The following COL7A1 variants were observed in gnomAD, a reference collection of about 807,000 sequenced individuals.
COL7A1 encodes the protein collagen type VII alpha 1 chain.
Under a neutral mutation model 456.2 loss-of-function variants are expected in COL7A1, and 296 were observed. The ratio of observed to expected loss-of-function variants is 0.65; its 90% CI spans 0.59 to 0.71. The LOEUF (loss-of-function observed/expected upper bound fraction) is 0.71. COL7A1 is among the 30% of genes least tolerant of loss of function. COL7A1 has a pLI of 0.00. For missense variants in COL7A1, 3,441 were observed against 4,017.2 expected, an observed-to-expected ratio of 0.86 and a Z score of 3.88; for synonymous variants, 1,464 against 1,525.9, an observed-to-expected ratio of 0.96 and a Z score of 0.95.
At position 48,567,605 on chromosome 3, in the gene COL7A1, G is replaced by A; in HGVS notation, c.8015C>T (p.Ala2672Val). ...ACCGATCAGGCCCTCCTTGCCAGGG[G>A]CCCCCGACTGGCCCGGCACACCAGG... Reference protein sequence around the residue: ...GEPGVPGQSGAPGKEGLIGPK... With the variant: ...GEPGVPGQSGVPGKEGLIGPK... Residue 2672 changes from alanine (A) to valine (V), a missense_variant, in exon 109 of 119, where the codon GCC becomes GTC. Ala to Val is a moderately conservative substitution (Grantham distance 64). Coordinates refer to ENST00000681320, the MANE Select transcript of COL7A1 (RefSeq NM_000094.4). The surrounding 1 kb of genome is among the most constrained non-coding windows in gnomAD (Gnocchi z 4.3). 2 of 1,614,072 alleles carry A rather than the reference G, an allele frequency of 1.2e-6. No homozygotes were observed. The highest frequency in any genetic ancestry group is 1.1e-5 in the South Asian group (1 of 91,084).
chr3:48,584,724 C>A lies in COL7A1; in HGVS notation c.4047+10G>T, dbSNP rs201581816. The A allele has an allele frequency of 9.4e-5, 151 of 1,613,908 alleles. No individual in the cohort carries two copies. The highest frequency in any genetic ancestry group is 1.2e-4 in the Non-Finnish European group (144 of 1,180,036). On this transcript the variant is annotated intron_variant, in intron 35 of 118. Transcript: ENST00000681320. Reference sequence around the variant, plus strand: ...GACATCCCGGCCGCCTCCCTTCCCCCTTCACCTACCGGCTCCCCCTTTGGG... The same window carrying A: ...GACATCCCGGCCGCCTCCCTTCCCCATTCACCTACCGGCTCCCCCTTTGGG...
Position 48,569,214 on chromosome 3 carries a change from C to CGG in COL7A1, c.7686+160_7686+161insCC, listed in dbSNP as rs1301582930. Among the ~76,000 whole-genome samples the CGG allele has an allele frequency of 2.6e-5, 4 of 152,050 alleles. No individual in the cohort carries two copies. Among genetic ancestry groups the CGG allele is most frequent in the Non-Finnish European group, 4.4e-5 (3 of 67,988 alleles). ...CTCACACCAAGGCCTTGAGCCCTCC[C>CGG]TAGAGCCCCTCCTCTCGGCCACTCC... is the stretch of plus-strand genomic sequence containing the variant. On this transcript the variant is annotated intron_variant, in intron 103 of 118. Transcript: ENST00000681320. The surrounding 1 kb of genome is among the most constrained non-coding windows in gnomAD (Gnocchi z 4.9).
intron 47 of COL7A1, 151 bp downstream of exon 47, chr3:48,582,172 T>C: frequency 6.9e-7 from 1 of 1,453,332 alleles, no homozygotes; most frequent in Non-Finnish European, 9.6e-7. Context: ...GCCAAGAGTC[T>C]GGGGGCAGGT....
In COL7A1 at chr3:48,587,745, G is replaced by C; in HGVS notation, c.2857+48C>G. 1 of 1,613,196 alleles carries C rather than the reference G, an allele frequency of 6.2e-7. No individual in the cohort carries two copies. ...TCAGAGTCGGGGTGCAGGAAGTCAGGGTGGGTCATCAGCAGGGGAGGAGCA... is the reference window on the plus strand; with the variant it reads ...TCAGAGTCGGGGTGCAGGAAGTCAGCGTGGGTCATCAGCAGGGGAGGAGCA... On this transcript the variant is annotated intron_variant, in intron 22 of 118. Coordinates refer to ENST00000681320, the MANE Select transcript of COL7A1 (RefSeq NM_000094.4). This position sits in a 1 kb window ranked among gnomAD's most constrained non-coding sequence, Gnocchi z 6.1.
Position 48,587,103 on chromosome 3 carries a change from G to T in COL7A1, c.3145C>A (p.Pro1049Thr), listed in dbSNP as rs775631094. 2.5e-6 allele frequency: 4 copies of T among 1,613,040 alleles called. No homozygotes were observed. The Admixed American group carries it at 6.7e-5, about 27-fold the overall frequency. The change falls in exon 25 of 119, where the codon CCC becomes ACC. Residue 1049 changes from proline to threonine, a missense_variant. Coordinates refer to ENST00000681320, the MANE Select transcript of COL7A1 (RefSeq NM_000094.4). The surrounding 1 kb of genome is among the most constrained non-coding windows in gnomAD (Gnocchi z 6.1). ...EASVTQTPVCPRGLADVVFLP... is the reference protein window; with the variant it reads ...EASVTQTPVCTRGLADVVFLP... ...AACACCACATCCGCCAGGCCACGGG[G>T]GCACACTGTAGGAAGGGGAACAAGT... is the stretch of plus-strand genomic sequence containing the variant.
rs121912852 is a variant in COL7A1, at chr3:48,570,304, G to A, written c.7411C>T (p.Arg2471Ter). Residue 2471 changes from arginine (R) to a stop codon, truncating the protein, a stop_gained, in exon 98 of 119, where the codon CGA (arginine) becomes TGA (stop). Coordinates refer to ENST00000681320, the MANE Select transcript of COL7A1 (RefSeq NM_000094.4). LOFTEE classifies it high-confidence loss of function. The surrounding 1 kb of genome is among the most constrained non-coding windows in gnomAD (Gnocchi z 5.5). ...GDPGVGLPGP[R>*]GERGEPGIRG... ...ATGCCTGGCTCCCCACGCTCGCCTC[G>A]GGGCCCAGGCAGCCCTACTCCAGGG... The A allele has an allele frequency of 1.9e-6, 3 of 1,614,046 alleles. No individual in the cohort carries two copies. The highest frequency in any genetic ancestry group is 2.2e-5 in the South Asian group (2 of 91,076).
chr3:48,564,896 T>A lies in COL7A1; in HGVS notation c.8705A>T (p.Glu2902Val). The A allele has an allele frequency of 6.2e-7, 1 of 1,614,126 alleles. No individual in the cohort carries two copies. The highest frequency in any genetic ancestry group is 8.5e-7 in the Non-Finnish European group (1 of 1,179,970). Residue 2902 changes from glutamate to valine, a missense_variant, in exon 118 of 119, where the codon GAG (glutamate) becomes GTG (valine). By Grantham distance (121) the Glu-to-Val change is moderately radical. Coordinates refer to ENST00000681320, the MANE Select transcript of COL7A1 (RefSeq NM_000094.4). The surrounding 1 kb of genome is among the most constrained non-coding windows in gnomAD (Gnocchi z 6.0). The part of the protein sequence containing the change: ...WYHRAVTGST[E>V]ACHPFVYGGC... ...ACCATAGACAAAAGGGTGACAGGCC[T>A]CTGTGCTGCCTGTCACAGCCCGATG...
At position 48,567,385 on chromosome 3, in the gene COL7A1, C is replaced by A; in HGVS notation, c.8046+189G>T. 1 of 953,398 alleles carries A rather than the reference C, an allele frequency of 1.0e-6. No homozygotes were observed. The highest frequency in any genetic ancestry group is 2.0e-5 in the Admixed American group (1 of 50,332). The allele number at this position is 953,398 out of a possible 1,614,324, so 59.1% of individuals were successfully genotyped here. On this transcript the variant is annotated intron_variant, in intron 109 of 118. Coordinates refer to ENST00000681320, the MANE Select transcript of COL7A1 (RefSeq NM_000094.4). The surrounding 1 kb of genome is among the most constrained non-coding windows in gnomAD (Gnocchi z 4.3). ...GCCCTGATGCACATGCCCCCTCCAC[C>A]TCCCATGCTTTCATCCTAACTCCAC... is the stretch of plus-strand genomic sequence containing the variant.
In COL7A1 at chr3:48,590,322, A is replaced by C. The variant is rs762193389; in HGVS notation, c.1941T>G (p.Ser647=). 1 of 1,614,094 alleles carries C rather than the reference A, an allele frequency of 6.2e-7. No individual in the cohort carries two copies. The highest frequency in any genetic ancestry group is 1.1e-5 in the South Asian group (1 of 91,088). The change falls in exon 16 of 119, where the codon TCT becomes TCG. Residue 647 remains serine (S), a synonymous_variant. Coordinates refer to ENST00000681320, the MANE Select transcript of COL7A1 (RefSeq NM_000094.4). The surrounding 1 kb of genome is among the most constrained non-coding windows in gnomAD (Gnocchi z 4.6). ...PESSQTLPPD[S]TATDITGLQP... is the part of the protein sequence containing the mutation. Reference sequence around the variant, plus strand: ...GCAGCCCTGTGATGTCTGTGGCAGTAGAGTCTGGGGGCAGTGTCTGGCTGG... The same window carrying C: ...GCAGCCCTGTGATGTCTGTGGCAGTCGAGTCTGGGGGCAGTGTCTGGCTGG...
Position 48,574,579 on chromosome 3 carries a change from C to G in COL7A1, c.6394-29G>C, listed in dbSNP as rs2044162494. The G allele has an allele frequency of 6.2e-7, 1 of 1,613,882 alleles. No homozygotes were observed. ...AAGGCAGAGTGTCGTGCCCTGAGCC[C>G]CCAGTCCCTGCCACGTGCCCAGGTG... On this transcript the variant is annotated intron_variant, in intron 78 of 118. Transcript: ENST00000681320. This position sits in a 1 kb window ranked among gnomAD's most constrained non-coding sequence, Gnocchi z 5.0.
Position 48,592,828 on chromosome 3 carries a change from G to T in COL7A1, c.793C>A (p.Gln265Lys). Residue 265 changes from glutamine to lysine, a missense_variant, in exon 7 of 119, where the codon CAG becomes AAG. Gln to Lys is a moderately conservative substitution (Grantham distance 53, BLOSUM62 1). Coordinates refer to ENST00000681320, the MANE Select transcript of COL7A1 (RefSeq NM_000094.4). The surrounding 1 kb of genome is among the most constrained non-coding windows in gnomAD (Gnocchi z 7.6). ...CCCAGCCCCGTCAGAGGAGTGTACT[G>T]GACCTTGTAGCCAGTCACAGGGCCA... ...ASGPVTGYKVQYTPLTGLGQP... is the reference protein window; with the variant it reads ...ASGPVTGYKVKYTPLTGLGQP... The T allele has an allele frequency of 1.2e-6, 2 of 1,613,848 alleles. No individual in the cohort carries two copies. Among genetic ancestry groups the T allele is most frequent in the Non-Finnish European group, 8.5e-7 (1 of 1,180,042 alleles).
chr3:48,575,277 T>TG lies in COL7A1; in HGVS notation c.6181-36dup, dbSNP rs150249857. 15,014 of 1,613,122 alleles carry TG rather than the reference T, an allele frequency of 9.3e-3. 93 individuals are homozygous for TG. The highest frequency in any genetic ancestry group is 0.019 in the East Asian group (869 of 44,802). On this transcript the variant is annotated intron_variant, in intron 74 of 118. Coordinates refer to ENST00000681320, the MANE Select transcript of COL7A1 (RefSeq NM_000094.4). This position sits in a 1 kb window ranked among gnomAD's most constrained non-coding sequence, Gnocchi z 6.3. ...AAATAGCGGGTGAGGGCCAAGCCCATGGGGGGTCCCACCCCTCCCAACCCC... is the reference window on the plus strand; with the variant it reads ...AAATAGCGGGTGAGGGCCAAGCCCATGGGGGGGTCCCACCCCTCCCAACCCC...
At chr3:48,584,214 G>A in intron 37 of COL7A1, 84 bp downstream of exon 37, 2 of 1,538,664 alleles carry the variant, frequency 1.3e-6, no homozygotes, top group Non-Finnish European at 1.8e-6. Flanking sequence ...AGGGTCACAA[G>A]GGCCAGAGTA....
Position 48,579,220 on chromosome 3 carries a change from C to A in COL7A1, c.5365G>T (p.Ala1789Ser). 6.2e-7 allele frequency: 1 copy of A among 1,613,726 alleles called. No homozygotes were observed. The highest frequency in any genetic ancestry group is 8.5e-7 in the Non-Finnish European group (1 of 1,180,026). The stretch of plus-strand genomic sequence containing the variant: ...ACATTCGGCCCAGAGGGCCCAGCGG[C>A]TCCTGGTTTCCCATCCAGTCCGCTC... ...GRSGLDGKPG[A>S]AGPSGPNGAA... The change falls in exon 62 of 119, where the codon GCC becomes TCC. Residue 1789 changes from alanine (A) to serine (S), a missense_variant. Coordinates refer to ENST00000681320, the MANE Select transcript of COL7A1 (RefSeq NM_000094.4). The surrounding 1 kb of genome is among the most constrained non-coding windows in gnomAD (Gnocchi z 4.4).
rs1327245484 is a variant in COL7A1, at chr3:48,591,555, T to G, written c.1545A>C (p.Gln515His). The G allele has an allele frequency of 1.2e-6, 2 of 1,613,716 alleles. No individual in the cohort carries two copies. Among genetic ancestry groups the G allele is most frequent in the Non-Finnish European group, 1.7e-6 (2 of 1,179,982 alleles). ...CCCGCTGCCCGGGCAGCTCGGTGGC[T>G]TGCAGGTCTGTTACAGGGCTCACAG... ...ELPVSPVTDL[Q>H]ATELPGQRVR... Residue 515 changes from glutamine (Q) to histidine (H), a missense_variant, in exon 13 of 119, where the codon CAA (glutamine) becomes CAC (histidine). This residue lies in a region of COL7A1 where 913 missense variants were observed against 1,088.2 expected (regional missense o/e 0.84). Transcript: ENST00000681320. The surrounding 1 kb of genome is among the most constrained non-coding windows in gnomAD (Gnocchi z 7.0).
chr3:48,568,455 C>A lies in COL7A1; in HGVS notation c.7794+44G>T. ...GGTGGGACCACCATGGTGACGGGGG[C>A]CCTCTGGGGACAGGGGGCCCCTGTG... is the stretch of plus-strand genomic sequence containing the variant. On this transcript the variant is annotated intron_variant, in intron 105 of 118. Coordinates refer to ENST00000681320, the MANE Select transcript of COL7A1 (RefSeq NM_000094.4). The surrounding 1 kb of genome is among the most constrained non-coding windows in gnomAD (Gnocchi z 5.2). 2 of 1,565,762 alleles carry A rather than the reference C, an allele frequency of 1.3e-6. No homozygotes were observed. The highest frequency in any genetic ancestry group is 1.8e-5 in the Admixed American group (1 of 55,616).
intron 69 of COL7A1, 38 bp from the exon 70 acceptor site, chr3:48,576,473 A>G (rs1387595041): frequency 6.2e-7 from 1 of 1,612,840 alleles, no homozygotes; most frequent in African/African-American, 1.3e-5. Flanking sequence ...AATGGCCCCC[A>G]GCCTGGTCAG....
chr3:48,585,228 T>A lies in COL7A1; in HGVS notation c.3895-112A>T. Reference sequence around the variant, plus strand: ...GTCGCCTACCCCACTGACCCCCAAGTGTTATTGGGGGTGGAACAGTGAGGC... The same window carrying A: ...GTCGCCTACCCCACTGACCCCCAAGAGTTATTGGGGGTGGAACAGTGAGGC... On this transcript the variant is annotated intron_variant, in intron 32 of 118. Transcript: ENST00000681320. The surrounding 1 kb of genome is among the most constrained non-coding windows in gnomAD (Gnocchi z 4.5). The A allele has an allele frequency of 9.6e-7, 1 of 1,043,578 alleles. No individual in the cohort carries two copies. The highest frequency in any genetic ancestry group is 1.4e-6 in the Non-Finnish European group (1 of 699,694). 64.6% of individuals were successfully genotyped at this position (1,043,578 alleles called of 1,614,324 possible).
At position 48,587,598 on chromosome 3, in the gene COL7A1, A is replaced by G; in HGVS notation, c.2858-44T>C. 3 of 1,613,140 alleles carry G rather than the reference A, an allele frequency of 1.9e-6. No individual in the cohort carries two copies. The highest frequency in any genetic ancestry group is 1.7e-6 in the Non-Finnish European group (2 of 1,179,892). On this transcript the variant is annotated intron_variant, in intron 22 of 118. Transcript: ENST00000681320. The surrounding 1 kb of genome is among the most constrained non-coding windows in gnomAD (Gnocchi z 6.1). ...ATCGAGGATCAGAGGCTGAGTCCTG[A>G]GAACCCAGAAGGGAGAGATCTGAGA...
Sources: allele counts gnomAD v4.1 joint callset (sites outside exome capture counted in the v4.1 genomes callset), GRCh38; gene constraint gnomAD v4.1.1; regional missense constraint gnomAD v4.1.1; non-coding constraint Gnocchi (gnomAD v3.1); transcripts MANE v1.5; gene names NCBI Gene and HGNC (gene_info 2026-07-23, HGNC 2026-07-21).